The following ADAM10 variants were observed in gnomAD, a reference collection of about 807,000 sequenced individuals.
ADAM10 encodes the protein disintegrin and metalloproteinase domain-containing protein 10.
ADAM10 carries 17 observed loss-of-function variants against 90.1 expected under a neutral mutation model. The observed-to-expected ratio is 0.19, with a 90% CI of 0.13 to 0.28. ADAM10 has a LOEUF of 0.28. Among genes scored for constraint, ADAM10 ranks in the 10% least tolerant of loss-of-function variants. The pLI is 1.00. For missense variants in ADAM10, 610 were observed against 914.3 expected, an observed-to-expected ratio of 0.67 and a Z score of 4.29; for synonymous variants, 310 against 298.6, an observed-to-expected ratio of 1.04 and a Z score of -0.40.
chr15:58,674,051 A>AT (rs142282722), intron 4 of ADAM10, among the ~76,000 whole-genome samples: 39 of 151,116 alleles, frequency 2.6e-4, no homozygotes, highest in Middle Eastern at 3.4e-3. Flanking sequence ...TTTTTTTGTG[A>AT]TTTTTTTTTA....
intron 1 of ADAM10, among the ~76,000 whole-genome samples, chr15:58,744,084 C>A (rs1899708882): frequency 6.6e-6 from 1 of 152,128 alleles, no homozygotes; most frequent in African/African-American, 2.4e-5. Flanking sequence ...TTTGCTGTAC[C>A]TGCCTGGTTA....
chr15:58,657,224 A>C (rs1210148759), intron 5 of ADAM10, among the ~76,000 whole-genome samples: 1 of 152,032 alleles, frequency 6.6e-6, no homozygotes. Context: ...TTGAATGTTG[A>C]TATCTTTTTC....
intron 5 of ADAM10, among the ~76,000 whole-genome samples, chr15:58,649,347 A>AAATATATAC (rs1339060655): frequency 6.6e-6 from 1 of 152,158 alleles, no homozygotes; most frequent in Non-Finnish European, 1.5e-5. Context: ...CCACATACAC[A>AAATATATAC]ACATACAAAT....
intron 2 of ADAM10, among the ~76,000 whole-genome samples, chr15:58,705,868 TATC>T (rs1401586695): frequency 6.6e-6 from 1 of 152,200 alleles, no homozygotes; most frequent in African/African-American, 2.4e-5. Context: ...TTACAGTAGT[TATC>T]ATAATTGTTC....
At chr15:58,631,128 G>A (rs964713758) in intron 9 of ADAM10, among the ~76,000 whole-genome samples, 3 of 152,130 alleles carry the variant, frequency 2.0e-5, no homozygotes, top group Non-Finnish European at 4.4e-5. Context: ...TCCATCATAA[G>A]TGGAAGCAGC....
chr15:58,610,634 T>C (rs1373222819), intron 13 of ADAM10, 117 bp from the exon 14 acceptor site: 5 of 972,764 alleles, frequency 5.1e-6, no homozygotes, highest in Admixed American at 4.0e-5. Flanking sequence ...TACCATAACA[T>C]GTTATACAGA....
chr15:58,609,728 A>G (rs1895384922), intron 14 of ADAM10: 1 of 155,016 alleles, frequency 6.5e-6, no homozygotes, highest in African/African-American at 2.4e-5. Flanking sequence ...TTTTAAGAAA[A>G]CATCAGGTAA....
At chr15:58,673,830 G>A (rs1956483695) in intron 4 of ADAM10, among the ~76,000 whole-genome samples, 1 of 151,928 alleles carries the variant, frequency 6.6e-6, no homozygotes, top group Non-Finnish European at 1.5e-5. Flanking sequence ...CGACTCCCGG[G>A]TTCACGCCAT....
intron 5 of ADAM10, among the ~76,000 whole-genome samples, chr15:58,652,517 T>C (rs1896714400): frequency 6.6e-6 from 1 of 152,206 alleles, no homozygotes; most frequent in African/African-American, 2.4e-5. Flanking sequence ...CCAATGGATG[T>C]TTTTGGCACC....
At chr15:58,734,652 A>G (rs2140841610) in intron 1 of ADAM10, among the ~76,000 whole-genome samples, 1 of 151,890 alleles carries the variant, frequency 6.6e-6, no homozygotes, top group East Asian at 1.9e-4. Flanking sequence ...GTGAGCCAAG[A>G]TCGTGCCACT....
intron 2 of ADAM10, among the ~76,000 whole-genome samples, chr15:58,713,907 G>T (rs1297409224): frequency 2.0e-5 from 3 of 151,474 alleles, no homozygotes; most frequent in Non-Finnish European, 4.4e-5. Context: ...CTGTGTCCCT[G>T]GTTCAAGCGA....
chr15:58,631,057 C>A (rs993791528), intron 9 of ADAM10, among the ~76,000 whole-genome samples: 9 of 152,034 alleles, frequency 5.9e-5, no homozygotes, highest in African/African-American at 2.2e-4. Context: ...TCCTTGACCC[C>A]ACGCTCCCAC....
intron 2 of ADAM10, among the ~76,000 whole-genome samples, chr15:58,695,097 C>T (rs1266727478): frequency 6.6e-6 from 1 of 152,118 alleles, no homozygotes; most frequent in Non-Finnish European, 1.5e-5. Flanking sequence ...TAAACATTGT[C>T]TATTTTCTCT....
intron 2 of ADAM10, among the ~76,000 whole-genome samples, chr15:58,701,444 T>G (rs2140790663): frequency 6.6e-6 from 1 of 152,286 alleles, no homozygotes; most frequent in Middle Eastern, 3.4e-3. Flanking sequence ...TATATCATCT[T>G]ACCGCAGTTA....
intron 2 of ADAM10, among the ~76,000 whole-genome samples, chr15:58,686,174 C>G (rs1897596425): frequency 6.6e-6 from 1 of 152,042 alleles, no homozygotes; most frequent in Non-Finnish European, 1.5e-5. Context: ...AAGGTGGGCC[C>G]AAAAACAACT....
At chr15:58,662,043 G>A (rs1896980785) in intron 5 of ADAM10, among the ~76,000 whole-genome samples, 1 of 151,852 alleles carries the variant, frequency 6.6e-6, no homozygotes, top group African/African-American at 2.4e-5. Context: ...CAGACGTTGT[G>A]TTTCTATTTA....
chr15:58,742,036 G>C (rs1400123096), intron 1 of ADAM10, among the ~76,000 whole-genome samples: 2 of 152,094 alleles, frequency 1.3e-5, no homozygotes, highest in Admixed American at 1.3e-4. Context: ...CTCATTTCAG[G>C]TGCAACTACA....
At chr15:58,693,762 A>T (rs1156288546) in intron 2 of ADAM10, among the ~76,000 whole-genome samples, 3 of 48,204 alleles carry the variant, frequency 6.2e-5, no homozygotes, top group African/African-American at 2.8e-4. Flanking sequence ...AAATAGCTTT[A>T]AAAAAAAAAA....
chr15:58,628,370 A>G (rs1219778115), intron 9 of ADAM10, among the ~76,000 whole-genome samples: 1 of 152,186 alleles, frequency 6.6e-6, no homozygotes, highest in Non-Finnish European at 1.5e-5. Context: ...TTAATAGCCA[A>G]TATATAGGAA....
Sources: allele counts gnomAD v4.1 joint callset (sites outside exome capture counted in the v4.1 genomes callset), GRCh38; gene constraint gnomAD v4.1.1; transcripts MANE v1.5; gene names NCBI Gene and HGNC (gene_info 2026-07-23, HGNC 2026-07-21).